Variants in LMAN1L observed in about 807,000 individuals in gnomAD.
LMAN1L encodes protein ERGIC-53-like.
LMAN1L carries 60 observed loss-of-function variants against 58.3 expected under a neutral mutation model. That is an observed-to-expected ratio of 1.03 (90% confidence interval 0.84 to 1.27). The LOEUF is 1.27. Among genes scored for constraint, LMAN1L ranks in the 50% most tolerant of loss-of-function variants. The pLI, the probability that LMAN1L is intolerant of heterozygous loss-of-function variation, is 0.00. For missense variants in LMAN1L, 629 were observed against 674.0 expected (o/e 0.93, Z 0.74); for synonymous variants, 280 against 271.6 (o/e 1.03, Z -0.31).
chr15:74,820,519 C>A, intron 7 of LMAN1L, 116 bp from the exon 8 acceptor site: 1 of 1,366,394 alleles, frequency 7.3e-7, no homozygotes, highest in South Asian at 1.2e-5. Flanking sequence ...CTGGAAACTG[C>A]AGGGCCAGCT....
Position 74,816,538 on chromosome 15 carries a change from C to A in LMAN1L, c.438+4C>A, listed in dbSNP as rs764398700. ...CTCTCCGGCAGAGGATACTCAGGTG[C>A]GTAGTGGTCTCCTGCCTGCCAGCCC... On this transcript the variant is annotated splice_donor_region_variant and intron_variant, in intron 3 of 13. Transcript: ENST00000309664. The A allele has an allele frequency of 4.5e-6, 7 of 1,569,492 alleles. No homozygotes were observed. The highest frequency in any genetic ancestry group is 6.1e-6 in the Non-Finnish European group (7 of 1,155,342).
rs1476104683 is a variant in LMAN1L at position 74,821,115 on chromosome 15, C to T, written c.948C>T (p.His316=). ...LFDLEETLGR[H]RRILQALRGL... is the part of the protein sequence containing the mutation. ...ACCTGGAGGAGACGCTGGGCAGACACCGCCGGATCCTGCAGGCTCTGCGGG... is the reference window on the plus strand; with the variant it reads ...ACCTGGAGGAGACGCTGGGCAGACATCGCCGGATCCTGCAGGCTCTGCGGG... The change falls in exon 9 of 14, where the codon CAC becomes CAT. Residue 316 remains histidine (H), a synonymous_variant. Coordinates refer to ENST00000309664, the MANE Select transcript of LMAN1L (RefSeq NM_021819.3). 26 of 1,569,850 alleles carry T rather than the reference C, an allele frequency of 1.7e-5. No individual in the cohort carries two copies. Among genetic ancestry groups the T allele is most frequent in the Non-Finnish European group, 2.2e-5 (25 of 1,157,602 alleles).
At position 74,816,277 on chromosome 15, in the gene LMAN1L, T is replaced by G. The variant is rs1243639133; in HGVS notation, c.296T>G (p.Val99Gly). Residue 99 changes from valine (V) to glycine (G), a missense_variant, in exon 2 of 14, where the codon GTG (valine) becomes GGG (glycine). Val to Gly is a moderately radical substitution (Grantham distance 109). This residue lies in a region of LMAN1L where 573 missense variants were observed against 597.3 expected (regional missense o/e 0.96). Coordinates refer to ENST00000309664, the MANE Select transcript of LMAN1L (RefSeq NM_021819.3). ...SAWEVEVQMR[V>G]TGLGRRGAQG... ...TGGGAAGTAGAGGTGCAGATGAGGGTGACGGGACTGGGGCGCCGGGGAGCC... is the reference window on the plus strand; with the variant it reads ...TGGGAAGTAGAGGTGCAGATGAGGGGGACGGGACTGGGGCGCCGGGGAGCC... The G allele has an allele frequency of 1.9e-6, 3 of 1,611,654 alleles. No homozygotes were observed. The highest frequency in any genetic ancestry group is 2.5e-6 in the Non-Finnish European group (3 of 1,179,336).
intron 1 of LMAN1L, among the ~76,000 whole-genome samples, chr15:74,814,294 A>G (rs1479093889): frequency 1.4e-5 from 2 of 143,870 alleles, no homozygotes; most frequent in Non-Finnish European, 3.0e-5. Context: ...CCCAGATTCA[A>G]GTGATTCTCC....
chr15:74,818,937 C>A, intron 5 of LMAN1L, 120 bp downstream of exon 5: 1 of 1,019,656 alleles, frequency 9.8e-7, no homozygotes, highest in Non-Finnish European at 1.4e-6. Flanking sequence ...CACACACGGG[C>A]CAACATCCAC....
chr15:74,824,771 C>T, intron 13 of LMAN1L: 1 of 312,500 alleles, frequency 3.2e-6, no homozygotes, highest in South Asian at 7.6e-5. Flanking sequence ...TACGAGAGTG[C>T]AGGAGAACAC....
At chr15:74,820,611 C>T (rs779938069) in intron 7 of LMAN1L, 24 bp from the exon 8 acceptor site, 36 of 1,612,532 alleles carry the variant, frequency 2.2e-5, no homozygotes, top group Middle Eastern at 1.9e-4. Flanking sequence ...GTTTGGGGCC[C>T]GACTTTCTGT....
Position 74,816,625 on chromosome 15 carries a change from C to T in LMAN1L, c.439-7C>T. 1 of 1,612,748 alleles carries T rather than the reference C, an allele frequency of 6.2e-7. No homozygotes were observed. The highest frequency in any genetic ancestry group is 8.5e-7 in the Non-Finnish European group (1 of 1,179,296). On this transcript the variant is annotated splice_polypyrimidine_tract_variant and splice_region_variant and intron_variant, in intron 3 of 13. Transcript: ENST00000309664. ...CGCGGCTCAGGCTGCTTCTCACCTC[C>T]CTGCAGGACAGTCCTGCCATCCGTG...
In LMAN1L at chr15:74,816,546, TCTC is replaced by T. The variant is rs766642319; in HGVS notation, c.438+15_438+17del. The T allele has an allele frequency of 1.5e-5, 24 of 1,573,656 alleles. No individual in the cohort carries two copies. In the South Asian group the frequency reaches 2.6e-4, roughly 17 times the overall value. On this transcript the variant is annotated intron_variant, in intron 3 of 13. Coordinates refer to ENST00000309664, the MANE Select transcript of LMAN1L (RefSeq NM_021819.3). ...CAGAGGATACTCAGGTGCGTAGTGG[TCTC>T]CTGCCTGCCAGCCCGCCTGCCCGCT... is the stretch of plus-strand genomic sequence containing the variant.
At chr15:74,821,532 T>C (rs1422728935) in intron 9 of LMAN1L, among the ~76,000 whole-genome samples, 2 of 152,234 alleles carry the variant, frequency 1.3e-5, no homozygotes, top group East Asian at 1.9e-4. Flanking sequence ...GCGATTTGCA[T>C]AGGGCTTGCT....
At chr15:74,825,415 G>T in intron 13 of LMAN1L, 61 bp from the exon 14 acceptor site, 1 of 1,558,778 alleles carries the variant, frequency 6.4e-7, no homozygotes, top group Non-Finnish European at 8.7e-7. Flanking sequence ...GAGAGTCCTG[G>T]TTTTTCAAAA....
chr15:74,816,667 G>A lies in LMAN1L; in HGVS notation c.474G>A (p.Gly158=), dbSNP rs2141114079. 6.2e-7 allele frequency: 1 copy of A among 1,613,882 alleles called. No individual in the cohort carries two copies. The highest frequency in any genetic ancestry group is 8.5e-7 in the Non-Finnish European group (1 of 1,179,898). ...SPAIRVLASD[G]HIPSEQPGDG... ...CCATCCGTGTGCTGGCCAGCGACGG[G>A]CACATCCCCTCTGAGCAGCCTGGGT... The change falls in exon 4 of 14, where the codon GGG becomes GGA. Residue 158 remains glycine, a synonymous_variant. Transcript: ENST00000309664.
intron 12 of LMAN1L, 128 bp from the exon 13 acceptor site, chr15:74,824,223 C>A: frequency 2.3e-6 from 2 of 861,216 alleles, no homozygotes; most frequent in Admixed American, 4.5e-5. Flanking sequence ...CTCCAAGTTC[C>A]CTGGATGAGA....
rs1045896052 is a variant in LMAN1L, at chr15:74,824,386, G to A, written c.1359G>A (p.Gln453=). ...AAAKAPRPPG[Q]PPRASSCLQP... ...CCAAGGCCCCCCGCCCACCTGGCCA[G>A]CCCCCAAGGGCCTCCTCGTGCCTGC... Residue 453 remains glutamine, a synonymous_variant, in exon 13 of 14, where the codon CAG becomes CAA. Coordinates refer to ENST00000309664, the MANE Select transcript of LMAN1L (RefSeq NM_021819.3). 6.2e-6 allele frequency: 10 copies of A among 1,613,736 alleles called. No homozygotes were observed. The African/African-American group carries it at 1.2e-4, about 19-fold the overall frequency.
intron 4 of LMAN1L, 21 bp downstream of exon 4, chr15:74,816,711 A>T: frequency 6.2e-7 from 1 of 1,608,906 alleles, no homozygotes; most frequent in Non-Finnish European, 8.5e-7. Context: ...GTCTGGACTG[A>T]CCACTCACCT....
At position 74,821,774 on chromosome 15, in the gene LMAN1L, G is replaced by C. The variant is rs2063917879; in HGVS notation, c.1060-55G>C. On this transcript the variant is annotated intron_variant, in intron 9 of 13. Coordinates refer to ENST00000309664, the MANE Select transcript of LMAN1L (RefSeq NM_021819.3). ...GCTTAGGCTGGGCTGCTAGTGTGGG[G>C]AAGAGGGGAGGGGACTTACACTCCA... 21 of 1,187,768 alleles carry C rather than the reference G, an allele frequency of 1.8e-5. No homozygotes were observed. The South Asian group carries it at 2.7e-4, about 15-fold the overall frequency. The allele number at this position is 1,187,768 out of a possible 1,614,324, so 73.6% of individuals were successfully genotyped here.
rs1366395705 is a variant in LMAN1L at position 74,816,443 on chromosome 15, G to A, written c.347G>A (p.Arg116Gln). ...GACCTGCAGGCCGTGTGGTACACCC[G>A]GGGCAGGGGCCATGTAGGCTCTGTC... is the stretch of plus-strand genomic sequence containing the variant. ...GAQGMAVWYT[R>Q]GRGHVGSVLG... The change falls in exon 3 of 14, where the codon CGG (arginine) becomes CAG (glutamine). Residue 116 changes from arginine to glutamine, a missense_variant. Physicochemically the swap from Arg to Gln is conservative, Grantham distance 43. This residue lies in a region of LMAN1L where 573 missense variants were observed against 597.3 expected (regional missense o/e 0.96). Transcript: ENST00000309664. The A allele has an allele frequency of 2.6e-6, 4 of 1,554,944 alleles. No individual in the cohort carries two copies. Among genetic ancestry groups the A allele is most frequent in the East Asian group, 2.3e-5 (1 of 44,276 alleles).
At position 74,822,898 on chromosome 15, in the gene LMAN1L, T is replaced by C. The variant is rs185333319; in HGVS notation, c.1199+189T>C. Among the ~76,000 whole-genome samples the C allele has an allele frequency of 3.3e-5, 5 of 152,318 alleles. No homozygotes were observed. The East Asian group carries it at 5.8e-4, about 18-fold the overall frequency. ...TGAATCAAGTTTAATGTTTTGCAAG[T>C]CCTAGTTAAAAAGCAATTCTCTCCT... On this transcript the variant is annotated intron_variant, in intron 11 of 13. Coordinates refer to ENST00000309664, the MANE Select transcript of LMAN1L (RefSeq NM_021819.3).
At chr15:74,825,358 CAAG>C (rs902177774) in intron 13 of LMAN1L, 115 bp from the exon 14 acceptor site, 9 of 1,157,104 alleles carry the variant, frequency 7.8e-6, no homozygotes, top group Non-Finnish European at 1.1e-5. Context: ...ACAGAAAGTC[CAAG>C]AACAGCGGAG....
Sources: allele counts gnomAD v4.1 joint callset (sites outside exome capture counted in the v4.1 genomes callset), GRCh38; gene constraint gnomAD v4.1.1; regional missense constraint gnomAD v4.1.1; transcripts MANE v1.5; gene names NCBI Gene and HGNC (gene_info 2026-07-23, HGNC 2026-07-21).